Variants in CDK7 observed in about 807,000 individuals in gnomAD.
The protein encoded by CDK7 is cyclin dependent kinase 7.
Under a neutral mutation model 49.1 loss-of-function variants are expected in CDK7, and 25 were observed. The ratio of observed to expected loss-of-function variants is 0.51; its 90% CI spans 0.37 to 0.71. CDK7 has a LOEUF of 0.71. Among genes scored for constraint, CDK7 ranks in the 30% least tolerant of loss-of-function variants. The probability of loss-of-function intolerance (pLI) is 0.00; values close to 1 mark genes in which losing one functional copy is unlikely to be tolerated. For missense variants in CDK7, 316 were observed against 411.7 expected (o/e 0.77, Z 2.01); for synonymous variants, 107 against 140.0 (o/e 0.76, Z 1.67).
At chr5:69,276,741 T>C (rs1424441263) in intron 11 of CDK7, 51 bp downstream of exon 11, 1 of 1,498,204 alleles carries the variant, frequency 6.7e-7, no homozygotes, top group East Asian at 2.3e-5. Flanking sequence ...AAACTCCAAA[T>C]AGCTCGTGTA....
At chr5:69,274,820 T>TA (rs1751945524) in intron 10 of CDK7, among the ~76,000 whole-genome samples, 1 of 152,142 alleles carries the variant, frequency 6.6e-6, no homozygotes, top group Non-Finnish European at 1.5e-5. Flanking sequence ...TTCACCATGT[T>TA]ATCGAGGCTG....
chr5:69,235,744 C>G (rs1288264337), intron 2 of CDK7, among the ~76,000 whole-genome samples: 1 of 152,288 alleles, frequency 6.6e-6, no homozygotes, highest in East Asian at 1.9e-4. Flanking sequence ...CTATTGGATA[C>G]CATGATCTTT....
chr5:69,235,176 A>C (rs1258506743), intron 1 of CDK7, 135 bp downstream of exon 1: 1 of 846,768 alleles, frequency 1.2e-6, no homozygotes, highest in African/African-American at 1.7e-5. Flanking sequence ...GTCCAGACGC[A>C]CTTGCTGCCC....
At chr5:69,241,326 T>G (rs1749366704) in intron 2 of CDK7, among the ~76,000 whole-genome samples, 1 of 135,818 alleles carries the variant, frequency 7.4e-6, no homozygotes, top group African/African-American at 2.7e-5. Context: ...TTTTTTTTTT[T>G]TTTTTTTTTT....
chr5:69,275,667 A>G (rs1752047848), intron 10 of CDK7, among the ~76,000 whole-genome samples: 1 of 152,202 alleles, frequency 6.6e-6, no homozygotes, highest in African/African-American at 2.4e-5. Context: ...TTGTCAAATT[A>G]AAAATATTTT....
At chr5:69,270,562 A>G (rs1295762535) in intron 9 of CDK7, among the ~76,000 whole-genome samples, 2 of 152,200 alleles carry the variant, frequency 1.3e-5, no homozygotes, top group African/African-American at 4.8e-5. Context: ...TACAGTCAAG[A>G]TACAGAATAT....
At chr5:69,267,329 G>C (rs548619797) in intron 8 of CDK7, among the ~76,000 whole-genome samples, 124 of 119,910 alleles carry the variant, frequency 1.0e-3, no homozygotes, top group African/African-American at 3.9e-3. Context: ...TTGAGACAGA[G>C]TCTTTGTCGC....
intron 2 of CDK7, among the ~76,000 whole-genome samples, chr5:69,247,922 T>C (rs1204723024): frequency 2.0e-5 from 3 of 152,204 alleles, no homozygotes; most frequent in Non-Finnish European, 4.4e-5. Flanking sequence ...AAAATTGTTA[T>C]TGTTTTTGAT....
chr5:69,271,913 G>A (rs1751588031), intron 9 of CDK7, among the ~76,000 whole-genome samples: 1 of 150,802 alleles, frequency 6.6e-6, no homozygotes. Flanking sequence ...GTGAGACTTA[G>A]GGCAAGGTTC....
rs771839397 is a variant in CDK7, at chr5:69,254,680, T to C, written c.228+11T>C. 6 of 1,394,640 alleles carry C rather than the reference T, an allele frequency of 4.3e-6. No homozygotes were observed. The African/African-American group carries it at 8.5e-5, about 20-fold the overall frequency. The allele number at this position is 1,394,640 out of a possible 1,614,324, so 86.4% of individuals were successfully genotyped here. A position where few individuals can be genotyped will look rare whatever the true frequency, so the allele number is the denominator to read the frequency against. On this transcript the variant is annotated intron_variant, in intron 4 of 11. Coordinates refer to ENST00000256443, the MANE Select transcript of CDK7 (RefSeq NM_001799.4). ...CCAAATATAATTGGTGTGAGTATGA[T>C]CAAAACTGTTACTGGGATTTGGGAC...
intron 11 of CDK7, 159 bp downstream of exon 11, chr5:69,276,849 G>T: frequency 1.4e-6 from 1 of 733,996 alleles, no homozygotes; most frequent in Non-Finnish European, 2.2e-6. Flanking sequence ...GCCGTTTTAG[G>T]TATGTTTACT....
In CDK7 at chr5:69,234,977, TG is replaced by T; in HGVS notation, c.4del (p.Ala2?). 1 of 1,595,154 alleles carries T rather than the reference TG, an allele frequency of 6.3e-7. No homozygotes were observed. Among genetic ancestry groups the T allele is most frequent in the Non-Finnish European group, 8.5e-7 (1 of 1,171,178 alleles). On this transcript the variant is annotated frameshift_variant and start_lost, in exon 1 of 12. Transcript: ENST00000256443. LOFTEE classifies it high-confidence loss of function. ...TGGAGTCGGGCTTTACGGCGCCGGA[TG>T]GCTCTGGACGTGAAGTCTCGGGCAA... [M>X]ALDVKSRAKR...
intron 2 of CDK7, among the ~76,000 whole-genome samples, chr5:69,252,025 G>T (rs1257622510): frequency 6.6e-6 from 1 of 151,520 alleles, no homozygotes; most frequent in East Asian, 1.9e-4. Flanking sequence ...ATATTATTGG[G>T]CTTATTACCA....
At chr5:69,267,211 C>G (rs893155941) in intron 8 of CDK7, among the ~76,000 whole-genome samples, 3 of 151,806 alleles carry the variant, frequency 2.0e-5, no homozygotes, top group Non-Finnish European at 2.9e-5. Context: ...TCAGTACTCT[C>G]CCACACTAGA....
At chr5:69,247,514 T>C (rs529369543) in intron 2 of CDK7, among the ~76,000 whole-genome samples, 10 of 151,840 alleles carry the variant, frequency 6.6e-5, no homozygotes, top group Admixed American at 6.6e-5. Context: ...GGGGCTTCTT[T>C]TTTTTTTTTA....
chr5:69,251,979 TA>T, intron 2 of CDK7, among the ~76,000 whole-genome samples: 1 of 152,366 alleles, frequency 6.6e-6, no homozygotes, highest in South Asian at 2.1e-4. Context: ...TCACAATTTG[TA>T]ATTTTGCTTT....
At chr5:69,239,070 G>A (rs1749197773) in intron 2 of CDK7, among the ~76,000 whole-genome samples, 1 of 151,826 alleles carries the variant, frequency 6.6e-6, no homozygotes, top group African/African-American at 2.4e-5. Context: ...TCATCTGTGA[G>A]TCATCTTGTA....
chr5:69,242,353 T>G (rs1288815964), intron 2 of CDK7, among the ~76,000 whole-genome samples: 1 of 152,168 alleles, frequency 6.6e-6, no homozygotes, highest in Non-Finnish European at 1.5e-5. Flanking sequence ...TGAAACTGTC[T>G]TCTTGCCCTG....
intron 2 of CDK7, among the ~76,000 whole-genome samples, chr5:69,243,831 T>TG (rs912756607): frequency 5.5e-5 from 7 of 126,594 alleles, no homozygotes; most frequent in African/African-American, 2.5e-4. Context: ...TAGTTGTTTT[T>TG]TTTTTTTTTT....
Sources: gnomAD v4.1 joint callset for allele counts (sites outside exome capture counted in the v4.1 genomes callset) on GRCh38, gnomAD v4.1.1 for gene constraint, MANE v1.5 for transcripts, NCBI Gene and HGNC (gene_info 2026-07-23, HGNC 2026-07-21) for gene names.